Variants in DGLUCY observed in about 807,000 individuals in gnomAD.
DGLUCY encodes the protein D-glutamate cyclase, mitochondrial.
DGLUCY carries 58 observed loss-of-function variants against 58.5 expected under a neutral mutation model. The ratio of observed to expected loss-of-function variants is 0.99; its 90% CI spans 0.80 to 1.23. The LOEUF is 1.23. DGLUCY is among the 50% of genes most tolerant of loss of function. DGLUCY has a pLI of 0.00. For missense variants in DGLUCY, 779 were observed against 784.7 expected, an observed-to-expected ratio of 0.99 and a Z score of 0.09; for synonymous variants, 325 against 314.1, an observed-to-expected ratio of 1.03 and a Z score of -0.37.
rs2048822673 is a variant in DGLUCY at position 91,175,838 on chromosome 14, G to C, written c.608-96G>C. ...ACCATTTACAATAATCCTGCAATTT[G>C]AGTTTCTGTTTTAGAGAAAGAACCA... On this transcript the variant is annotated intron_variant, in intron 6 of 13. Transcript: ENST00000256324. The C allele has an allele frequency of 5.8e-6, 8 of 1,387,600 alleles. No individual in the cohort carries two copies. The South Asian group carries it at 8.5e-5, about 15-fold the overall frequency. The allele number at this position is 1,387,600 out of a possible 1,614,324, so 86.0% of individuals were successfully genotyped here. A position where few individuals can be genotyped will look rare whatever the true frequency, so the allele number is the denominator to read the frequency against.
At chr14:91,117,350 C>G (rs1224093883) in intron 1 of DGLUCY, among the ~76,000 whole-genome samples, 1 of 152,092 alleles carries the variant, frequency 6.6e-6, no homozygotes, top group Non-Finnish European at 1.5e-5. Flanking sequence ...CATCCTGTGA[C>G]TAGGAATGCC....
intron 1 of DGLUCY, among the ~76,000 whole-genome samples, chr14:91,074,114 T>TACACACACACACAC (rs1326685656): frequency 1.1e-3 from 71 of 64,494 alleles, no homozygotes; most frequent in Non-Finnish European, 1.9e-3. Context: ...AATATATATA[T>TACACACACACACAC]ATATACACAC....
intron 12 of DGLUCY, among the ~76,000 whole-genome samples, chr14:91,211,785 T>A (rs773620817): frequency 6.6e-6 from 1 of 151,304 alleles, no homozygotes; most frequent in Non-Finnish European, 1.5e-5. Context: ...TGATTATGAC[T>A]TCTTTTTATT....
At position 91,181,331 on chromosome 14, in the gene DGLUCY, G is replaced by A. The variant is rs779343269; in HGVS notation, c.876G>A (p.Ala292=). 38 of 1,613,992 alleles carry A rather than the reference G, an allele frequency of 2.4e-5. No homozygotes were observed. The highest frequency in any genetic ancestry group is 6.7e-5 in the East Asian group (3 of 44,890). ...ISQDPLHYSI[A]SVSASQKIRE... Reference sequence around the variant, plus strand: ...AAGATCCTCTGCACTACAGCATCGCGTCAGTCTCTGCTTCTCAGAAGATCA... The same window carrying A: ...AAGATCCTCTGCACTACAGCATCGCATCAGTCTCTGCTTCTCAGAAGATCA... The change falls in exon 8 of 14, where the codon GCG becomes GCA. Residue 292 remains alanine (A), a synonymous_variant. Transcript: ENST00000256324.
chr14:91,143,656 G>A (rs774438664), intron 1 of DGLUCY, among the ~76,000 whole-genome samples: 5 of 152,170 alleles, frequency 3.3e-5, no homozygotes, highest in Non-Finnish European at 5.9e-5. Flanking sequence ...TTCAGCTCCT[G>A]GGTGGGGTTG....
chr14:91,083,784 C>T (rs529567780), intron 1 of DGLUCY, among the ~76,000 whole-genome samples: 2 of 152,158 alleles, frequency 1.3e-5, no homozygotes, highest in South Asian at 4.1e-4. Flanking sequence ...TTCCATGGCT[C>T]ATTGCTAAAG....
Position 91,149,639 on chromosome 14 carries a change from A to G in DGLUCY, c.-81-8000A>G, listed in dbSNP as rs181680495. Among the ~76,000 whole-genome samples the G allele has an allele frequency of 1.2e-3, 180 of 152,362 alleles. No homozygotes were observed. The East Asian group carries it at 0.013, about 11-fold the overall frequency. On this transcript the variant is annotated intron_variant, in intron 1 of 13. Coordinates refer to ENST00000256324, the MANE Select transcript of DGLUCY (RefSeq NM_001102368.3). The stretch of plus-strand genomic sequence containing the variant: ...TGCATCATATTTTGTGGTTACAGGA[A>G]TTTGGCCTGATGGACCCGTTGCAGA...
Position 91,188,967 on chromosome 14 carries a change from CGCTGTCCCAT to C in DGLUCY, c.995_1004del (p.Leu332ProfsTer44), listed in dbSNP as rs768085251. 3.1e-6 allele frequency: 5 copies of C among 1,614,212 alleles called. No individual in the cohort carries two copies. The Admixed American group carries it at 8.3e-5, about 27-fold the overall frequency. Reference sequence around the variant, plus strand: ...GATGAGCTGCTGAAGGCCTCTCTCTCGCTGTCCCATGCCCGCTCAGTGCTCATCACCACTG... The same window carrying C: ...GATGAGCTGCTGAAGGCCTCTCTCTCGCCCGCTCAGTGCTCATCACCACTG... On this transcript the variant is annotated frameshift_variant, in exon 9 of 14. Coordinates refer to ENST00000256324, the MANE Select transcript of DGLUCY (RefSeq NM_001102368.3). LOFTEE classifies it high-confidence loss of function.
At chr14:91,109,863 T>G (rs1192758251), upstream of DGLUCY, among the ~76,000 whole-genome samples, 2 of 152,240 alleles carry the variant, frequency 1.3e-5, no homozygotes, top group Non-Finnish European at 2.9e-5. Context: ...TTCCCCATTG[T>G]CAGAGCCGAC....
Position 91,135,893 on chromosome 14 carries a change from T to TG in DGLUCY, c.-82+21614dup, listed in dbSNP as rs201300267. 2.4e-3 allele frequency among the ~76,000 whole-genome samples: 358 copies of TG among 151,542 alleles called. 1 individual carries two copies. Among genetic ancestry groups the TG allele is most frequent in the African/African-American group, 7.0e-3 (291 of 41,310 alleles). On this transcript the variant is annotated intron_variant, in intron 1 of 13. Coordinates refer to ENST00000256324, the MANE Select transcript of DGLUCY (RefSeq NM_001102368.3). ...TAATAGTAAACCAATCTTGGATTCT[T>TG]GGGGTAATTCCAACTTGGCTAGGAT...
intron 9 of DGLUCY, among the ~76,000 whole-genome samples, chr14:91,192,223 G>A (rs114623614): frequency 0.012 from 1,774 of 152,260 alleles, 39 homozygotes; most frequent in African/African-American, 0.039. Context: ...GATGACCCTC[G>A]AGGACATCTT....
chr14:91,207,890 G>A (rs1885026555), intron 12 of DGLUCY, among the ~76,000 whole-genome samples: 1 of 152,120 alleles, frequency 6.6e-6, no homozygotes, highest in African/African-American at 2.4e-5. Flanking sequence ...GGGATTACAG[G>A]CATGCGCTAC....
intron 1 of DGLUCY, among the ~76,000 whole-genome samples, chr14:91,061,107 G>A (rs1013135723): frequency 4.6e-5 from 7 of 152,190 alleles, no homozygotes; most frequent in Non-Finnish European, 7.3e-5. Context: ...ACCGTGGACA[G>A]AGGAGGGGCC....
chr14:91,077,770 G>GAGAA (rs144700074), intron 1 of DGLUCY, among the ~76,000 whole-genome samples: 40,491 of 144,152 alleles, frequency 0.28, 5,817 homozygotes, highest in Middle Eastern at 0.32. Context: ...AAAAGAGAGA[G>GAGAA]AGAAAGAGAG....
At chr14:91,144,554 C>T (rs375583425) in intron 1 of DGLUCY, among the ~76,000 whole-genome samples, 32 of 152,086 alleles carry the variant, frequency 2.1e-4, no homozygotes, top group Non-Finnish European at 4.1e-4. Context: ...AGCAAGACTG[C>T]GTATCACAAA....
chr14:91,162,635 G>A (rs939673573), intron 3 of DGLUCY, among the ~76,000 whole-genome samples: 8 of 152,148 alleles, frequency 5.3e-5, no homozygotes, highest in East Asian at 3.9e-4. Flanking sequence ...GGTGGCGCAC[G>A]CCTGTAATCC....
At chr14:91,196,979 G>T (rs897530530) in intron 10 of DGLUCY, among the ~76,000 whole-genome samples, 1 of 151,900 alleles carries the variant, frequency 6.6e-6, no homozygotes, top group Non-Finnish European at 1.5e-5. Flanking sequence ...TTTCTTTTAG[G>T]GGGTGGGGAT....
chr14:91,085,571 T>TTTG (rs910133597), intron 1 of DGLUCY, among the ~76,000 whole-genome samples: 3 of 151,248 alleles, frequency 2.0e-5, no homozygotes, highest in African/African-American at 7.3e-5. Flanking sequence ...TTGTTTTTTT[T>TTTG]TTTTTTTAGT....
upstream of DGLUCY, among the ~76,000 whole-genome samples, chr14:91,109,922 G>C (rs2044664928): frequency 6.6e-6 from 1 of 152,182 alleles, no homozygotes; most frequent in Admixed American, 6.5e-5. Flanking sequence ...ACCTCTTTGG[G>C]AAAAACATCT....
Sources: gnomAD v4.1 joint callset for allele counts (sites outside exome capture counted in the v4.1 genomes callset) on GRCh38, gnomAD v4.1.1 for gene constraint, MANE v1.5 for transcripts, NCBI Gene and HGNC (gene_info 2026-07-23, HGNC 2026-07-21) for gene names.